BCAS4: variants seen among roughly 807,000 people sequenced by gnomAD.
The protein encoded by BCAS4 is breast carcinoma amplified sequence 4.
In BCAS4, 9 loss-of-function variants were observed where a neutral mutation model predicts 15.7. That is an observed-to-expected ratio of 0.57 (90% CI 0.34 to 1.00). The LOEUF is 1.00. Ranked by LOEUF, BCAS4 falls within the 50% of genes least tolerant of loss-of-function variation. The pLI is 0.02. For missense variants in BCAS4, 225 were observed against 239.1 expected, an observed-to-expected ratio of 0.94 and a Z score of 0.39; for synonymous variants, 101 against 99.5, an observed-to-expected ratio of 1.02 and a Z score of -0.09.
At chr20:50,815,706 G>GT (rs1413503157) in intron 1 of BCAS4, among the ~76,000 whole-genome samples, 3 of 152,196 alleles carry the variant, frequency 2.0e-5, no homozygotes, top group Non-Finnish European at 4.4e-5. Context: ...CCTGAAAGAT[G>GT]TTTTTTTGTG....
At chr20:50,863,990 C>G (rs530726961) in intron 4 of BCAS4, among the ~76,000 whole-genome samples, 1 of 152,356 alleles carries the variant, frequency 6.6e-6, no homozygotes, top group South Asian at 2.1e-4. Context: ...GGCCTTTGCC[C>G]CATGGTGTTT....
At chr20:50,816,330 C>T (rs570132674) in intron 1 of BCAS4, among the ~76,000 whole-genome samples, 12 of 152,318 alleles carry the variant, frequency 7.9e-5, no homozygotes, top group Admixed American at 2.0e-4. Flanking sequence ...CTGGCCAAAC[C>T]GCTAATTATT....
chr20:50,840,459 T>C, intron 3 of BCAS4: 1 of 913,008 alleles, frequency 1.1e-6, no homozygotes, highest in Non-Finnish European at 1.8e-6. Context: ...AGTCGCGGCC[T>C]TCGTTGTCAG....
chr20:50,855,119 T>C (rs1568679788), intron 4 of BCAS4, among the ~76,000 whole-genome samples: 1 of 152,106 alleles, frequency 6.6e-6, no homozygotes, highest in East Asian at 1.9e-4. Context: ...CTTCCTCCCA[T>C]CTTCAGCCCT....
At chr20:50,854,162 AG>A (rs751808193) in intron 4 of BCAS4, among the ~76,000 whole-genome samples, 4 of 151,960 alleles carry the variant, frequency 2.6e-5, no homozygotes, top group Non-Finnish European at 5.9e-5. Flanking sequence ...AATATATGAA[AG>A]CAGGAATTCT....
At chr20:50,871,016 A>T (rs1979611784) in intron 4 of BCAS4, among the ~76,000 whole-genome samples, 2 of 152,154 alleles carry the variant, frequency 1.3e-5, no homozygotes, top group Non-Finnish European at 2.9e-5. Flanking sequence ...CTGGATTCCA[A>T]AGGGTTGGAC....
At chr20:50,844,957 C>T (rs1022074342) in intron 4 of BCAS4, among the ~76,000 whole-genome samples, 2 of 152,124 alleles carry the variant, frequency 1.3e-5, no homozygotes, top group African/African-American at 4.8e-5. Context: ...GGAGGTGGTG[C>T]AGCCTAGTGT....
intron 3 of BCAS4, among the ~76,000 whole-genome samples, chr20:50,836,719 A>G (rs761861879): frequency 2.0e-5 from 3 of 151,664 alleles, no homozygotes; most frequent in Non-Finnish European, 4.4e-5. Flanking sequence ...TATCAGTTGT[A>G]TTAATAAAAA....
chr20:50,875,194 C>G (rs1979860562), intron 4 of BCAS4, among the ~76,000 whole-genome samples: 1 of 152,228 alleles, frequency 6.6e-6, no homozygotes, highest in Admixed American at 6.5e-5. Flanking sequence ...TCATAAAACT[C>G]CCAGGAGATT....
rs1329977917 is a variant in BCAS4, at chr20:50,841,837, T to C, written c.336T>C (p.His112=). Reference sequence around the variant, plus strand: ...ACGTGCTTCAGGCTGAGCGGGACCATGGGGCCTTCCCTCAGGCCCTGCGGA... The same window carrying C: ...ACGTGCTTCAGGCTGAGCGGGACCACGGGGCCTTCCCTCAGGCCCTGCGGA... The part of the protein sequence containing the change: ...EADVLQAERD[H]GAFPQALRRW... Residue 112 remains histidine (H), a synonymous_variant, in exon 4 of 5, where the codon CAT becomes CAC. Coordinates refer to ENST00000371608, the MANE Select transcript of BCAS4 (RefSeq NM_198799.4). 6.2e-7 allele frequency: 1 copy of C among 1,613,222 alleles called. No individual in the cohort carries two copies.
intron 1 of BCAS4, among the ~76,000 whole-genome samples, chr20:50,798,520 AAAAAT>A (rs1179490605): frequency 2.6e-5 from 4 of 152,270 alleles, no homozygotes; most frequent in African/African-American, 9.6e-5. Context: ...TAGTTAATAA[AAAAAT>A]AAAAATAAAA....
At chr20:50,817,076 C>T (rs1255590979) in intron 1 of BCAS4, among the ~76,000 whole-genome samples, 1 of 151,718 alleles carries the variant, frequency 6.6e-6, no homozygotes, top group East Asian at 1.9e-4. Flanking sequence ...GCTGGGATTA[C>T]AGGCGTGAGC....
Position 50,830,316 on chromosome 20 carries a change from T to C in BCAS4, c.200T>C (p.Ile67Thr). ...ACTTCACAGATCCTGGAGGAAAACA[T>C]CCCAGTCCTTAAGGCCAAACTGACA... is the stretch of plus-strand genomic sequence containing the variant. ...SDTSQILEEN[I>T]PVLKAKLTEM... is the part of the protein sequence containing the mutation. Residue 67 changes from isoleucine (I) to threonine (T), a missense_variant, in exon 3 of 5, where the codon ATC becomes ACC. Coordinates refer to ENST00000371608, the MANE Select transcript of BCAS4 (RefSeq NM_198799.4). The C allele has an allele frequency of 6.2e-7, 1 of 1,614,102 alleles. No individual in the cohort carries two copies. The highest frequency in any genetic ancestry group is 8.5e-7 in the Non-Finnish European group (1 of 1,179,986).
chr20:50,838,894 A>G (rs183176894), intron 3 of BCAS4, among the ~76,000 whole-genome samples: 88 of 152,042 alleles, frequency 5.8e-4, no homozygotes, highest in African/African-American at 1.9e-3. Flanking sequence ...GCAGGGCCAC[A>G]CCCCATGGAG....
At chr20:50,848,152 A>G (rs2088570183) in intron 4 of BCAS4, among the ~76,000 whole-genome samples, 1 of 151,876 alleles carries the variant, frequency 6.6e-6, no homozygotes, top group South Asian at 2.1e-4. Context: ...GCTACTTGGG[A>G]GGCTGGGGTG....
chr20:50,868,183 G>T (rs1348413351), intron 4 of BCAS4, among the ~76,000 whole-genome samples: 1 of 152,202 alleles, frequency 6.6e-6, no homozygotes, highest in Non-Finnish European at 1.5e-5. Flanking sequence ...CACTGATGCT[G>T]CTGGACGTGG....
intron 1 of BCAS4, among the ~76,000 whole-genome samples, chr20:50,804,030 C>T (rs1013573988): frequency 6.6e-6 from 1 of 151,960 alleles, no homozygotes; most frequent in Non-Finnish European, 1.5e-5. Flanking sequence ...AGCGTGTGGG[C>T]CTGGGGATCT....
At chr20:50,870,471 C>T (rs899425720) in intron 4 of BCAS4, among the ~76,000 whole-genome samples, 1 of 152,122 alleles carries the variant, frequency 6.6e-6, no homozygotes. Flanking sequence ...CTGTGACAGC[C>T]ATTTGGGGTC....
chr20:50,879,975 G>A (rs1980086383), downstream of BCAS4: 1 of 151,774 alleles, frequency 6.6e-6, no homozygotes, highest in Non-Finnish European at 1.5e-5. Context: ...GCAGGGCCCG[G>A]GCTGTGATGG....
Sources: allele counts gnomAD v4.1 joint callset (sites outside exome capture counted in the v4.1 genomes callset), GRCh38; gene constraint gnomAD v4.1.1; transcripts MANE v1.5; gene names NCBI Gene and HGNC (gene_info 2026-07-23, HGNC 2026-07-21).